The following IQCM variants were observed in gnomAD, a reference collection of about 807,000 sequenced individuals.
IQCM encodes IQ motif containing M, also known as IQ domain-containing protein M.
A neutral mutation model predicts 57.6 loss-of-function variants in IQCM; 45 were observed. The observed-to-expected ratio is 0.78, with a 90% CI of 0.62 to 1.00. IQCM has a LOEUF of 1.00. Among genes scored for constraint, IQCM ranks in the 50% least tolerant of loss-of-function variants. IQCM has a pLI of 0.00. For synonymous variants in IQCM, 148 were observed against 158.9 expected (o/e 0.93, Z 0.51); for missense variants, 468 against 511.6 (o/e 0.91, Z 0.82).
chr4:149,614,889 C>A (rs1032094029), intron 8 of IQCM, among the ~76,000 whole-genome samples: 1 of 152,192 alleles, frequency 6.6e-6, no homozygotes, highest in Non-Finnish European at 1.5e-5. Context: ...CCCAGTGACA[C>A]CTTCCTGACT....
chr4:149,397,690 C>A (rs918117203), intron 13 of IQCM, among the ~76,000 whole-genome samples: 19 of 151,936 alleles, frequency 1.3e-4, no homozygotes, highest in African/African-American at 4.3e-4. Context: ...ACTAATACAA[C>A]AATTTTTTAG....
At chr4:149,398,497 C>T (rs193049431) in intron 13 of IQCM, among the ~76,000 whole-genome samples, 13 of 151,998 alleles carry the variant, frequency 8.6e-5, no homozygotes, top group African/African-American at 2.4e-4. Context: ...TCCATGAACA[C>T]AGGATGTGTT....
At chr4:149,494,537 A>C (rs372058803) in intron 12 of IQCM, among the ~76,000 whole-genome samples, 1 of 152,152 alleles carries the variant, frequency 6.6e-6, no homozygotes, top group African/African-American at 2.4e-5. Flanking sequence ...ACCAGCAAGA[A>C]CTCAAGGCAC....
At chr4:149,560,134 T>C (rs1020277111) in intron 10 of IQCM, among the ~76,000 whole-genome samples, 5 of 152,226 alleles carry the variant, frequency 3.3e-5, no homozygotes, top group East Asian at 1.9e-4. Context: ...ATAGGCTTCA[T>C]GAATAGATTC....
chr4:149,597,054 T>C (rs776227765), intron 8 of IQCM, among the ~76,000 whole-genome samples: 10 of 152,118 alleles, frequency 6.6e-5, no homozygotes, highest in Non-Finnish European at 1.2e-4. Flanking sequence ...TGAAATTCCA[T>C]TTCTACATGT....
intron 7 of IQCM, among the ~76,000 whole-genome samples, chr4:149,643,050 A>C (rs1316645208): frequency 6.6e-6 from 1 of 152,256 alleles, no homozygotes; most frequent in East Asian, 1.9e-4. Context: ...ACTTAAAAAA[A>C]AATCAAAACA....
chr4:149,388,856 A>C (rs1479988333), intron 13 of IQCM, among the ~76,000 whole-genome samples: 2 of 150,196 alleles, frequency 1.3e-5, no homozygotes, highest in Non-Finnish European at 3.0e-5. Context: ...CTTTTATTAT[A>C]AATGTTCTTA....
rs187126472 is a variant in IQCM at position 149,524,325 on chromosome 4, C to T, written c.1228+24130G>A. On this transcript the variant is annotated intron_variant, in intron 12 of 13. Coordinates refer to ENST00000636793, the MANE Select transcript of IQCM (RefSeq NM_001363507.2). The stretch of plus-strand genomic sequence containing the variant: ...TTCTATATGTTCATCTAAATGGTGG[C>T]TACACAAATGTACAGTACAGATATG... Among the ~76,000 whole-genome samples, 7 of 152,156 alleles carry T rather than the reference C, an allele frequency of 4.6e-5. No individual in the cohort carries two copies. The East Asian group carries it at 1.2e-3, about 25-fold the overall frequency.
chr4:149,777,172 G>A (rs1432987617), intron 2 of IQCM, among the ~76,000 whole-genome samples: 1 of 152,090 alleles, frequency 6.6e-6, no homozygotes, highest in African/African-American at 2.4e-5. Flanking sequence ...TTCCTTTCAG[G>A]ACAAAGAGAC....
At chr4:149,506,869 G>A (rs550383710) in intron 12 of IQCM, among the ~76,000 whole-genome samples, 80 of 152,176 alleles carry the variant, frequency 5.3e-4, no homozygotes, top group African/African-American at 1.8e-3. Flanking sequence ...TGAGGGGAAA[G>A]GTAAGAACAA....
chr4:149,465,095 T>C (rs17026271), intron 12 of IQCM, among the ~76,000 whole-genome samples: 2,629 of 152,266 alleles, frequency 0.017, 78 homozygotes, highest in African/African-American at 0.061. Context: ...AACAACAGGA[T>C]TGATAACACA....
chr4:149,357,494 T>C (rs1354477382), intron 13 of IQCM, among the ~76,000 whole-genome samples: 1 of 152,174 alleles, frequency 6.6e-6, no homozygotes, highest in African/African-American at 2.4e-5. Flanking sequence ...CTGCGTCTAT[T>C]GAGATCATCA....
chr4:149,425,879 G>A (rs1199894742), intron 13 of IQCM, among the ~76,000 whole-genome samples: 1 of 152,054 alleles, frequency 6.6e-6, no homozygotes, highest in African/African-American at 2.4e-5. Flanking sequence ...CTATTATACA[G>A]ATTTATTTTA....
At chr4:149,469,099 A>G (rs1449466926) in intron 12 of IQCM, among the ~76,000 whole-genome samples, 1 of 152,216 alleles carries the variant, frequency 6.6e-6, no homozygotes, top group Non-Finnish European at 1.5e-5. Context: ...CTCGCCAGCA[A>G]TGGAACAAAG....
intron 5 of IQCM, among the ~76,000 whole-genome samples, chr4:149,698,091 C>G (rs1025206322): frequency 2.0e-5 from 3 of 151,890 alleles, no homozygotes; most frequent in Non-Finnish European, 2.9e-5. Context: ...TGTCTGAATA[C>G]TTTGTACTTC....
chr4:149,548,481 T>A lies in IQCM; in HGVS notation c.1202A>T (p.Asp401Val). Residue 401 changes from aspartate to valine, a missense_variant, in exon 12 of 14, where the codon GAT becomes GTT. By Grantham distance (152) the Asp-to-Val change is radical (BLOSUM62 -3). Coordinates refer to ENST00000636793, the MANE Select transcript of IQCM (RefSeq NM_001363507.2). ...CGHFPTQKQV[D>V]DTWDLVHQDG... ...TTGATGGACCAGGTCCCAAGTATCA[T>A]CAACTTGTTTCTGAGTTGGGAAATG... is the stretch of plus-strand genomic sequence containing the variant. The A allele has an allele frequency of 8.1e-7, 1 of 1,231,980 alleles. No individual in the cohort carries two copies. Among genetic ancestry groups the A allele is most frequent in the Non-Finnish European group, 1.0e-6 (1 of 987,870 alleles). 76.3% of individuals were successfully genotyped at this position (1,231,980 alleles called of 1,614,324 possible). A position where few individuals can be genotyped will look rare whatever the true frequency, so the allele number is the denominator to read the frequency against.
intron 2 of IQCM, among the ~76,000 whole-genome samples, chr4:149,742,971 G>T (rs1358085520): frequency 6.6e-6 from 1 of 152,062 alleles, no homozygotes; most frequent in African/African-American, 2.4e-5. Context: ...CTGGGTCTAG[G>T]CAACCTGATA....
intron 13 of IQCM, among the ~76,000 whole-genome samples, chr4:149,372,936 C>T (rs1306068607): frequency 6.6e-6 from 1 of 152,060 alleles, no homozygotes; most frequent in Admixed American, 6.6e-5. Flanking sequence ...TGTACCAATC[C>T]AGACAGTTTC....
intron 13 of IQCM, among the ~76,000 whole-genome samples, chr4:149,374,100 C>T (rs1032760733): frequency 1.3e-5 from 2 of 152,132 alleles, no homozygotes; most frequent in African/African-American, 2.4e-5. Flanking sequence ...TGAGGATCCC[C>T]ACCTGGGGTA....
Sources: allele counts gnomAD v4.1 joint callset (sites outside exome capture counted in the v4.1 genomes callset), GRCh38; gene constraint gnomAD v4.1.1; transcripts MANE v1.5; gene names NCBI Gene and HGNC (gene_info 2026-07-23, HGNC 2026-07-21).